The following C3orf18 variants were observed in gnomAD, a reference collection of about 807,000 sequenced individuals.
The protein encoded by C3orf18 is uncharacterized protein C3orf18.
In C3orf18, 12 loss-of-function variants were observed where a neutral mutation model predicts 14.1. The observed-to-expected ratio is 0.85, with a 90% CI of 0.55 to 1.38. C3orf18 has a LOEUF of 1.38. C3orf18 is among the 40% of genes most tolerant of loss of function. The pLI is 0.00. For missense variants in C3orf18, 196 were observed against 213.9 expected, an observed-to-expected ratio of 0.92 and a Z score of 0.52; for synonymous variants, 82 against 87.9, an observed-to-expected ratio of 0.93 and a Z score of 0.38.
At chr3:50,571,800 AG>A, upstream of C3orf18, 3 of 1,613,700 alleles carry the variant, frequency 1.9e-6, no homozygotes, top group Non-Finnish European at 2.5e-6. Context: ...TCGATTGCAG[AG>A]GTGAGCACCC....
chr3:50,559,867 C>T (rs1699859339), intron 5 of C3orf18, 130 bp from the exon 6 acceptor site: 1 of 548,162 alleles, frequency 1.8e-6, no homozygotes, highest in East Asian at 3.4e-5. Flanking sequence ...GCCTGGAATG[C>T]CCTCCCTGCA....
chr3:50,559,660 C>T lies in C3orf18; in HGVS notation c.486G>A (p.Ala162=), dbSNP rs772177576. 5.1e-6 allele frequency: 8 copies of T among 1,580,814 alleles called. No homozygotes were observed. The highest frequency in any genetic ancestry group is 6.9e-6 in the Non-Finnish European group (8 of 1,162,656). Residue 162 remains alanine, a synonymous_variant, in exon 6 of 6, where the codon GCG becomes GCA. Transcript: ENST00000357203. The stretch of plus-strand genomic sequence containing the variant: ...GTCCAGGCTTGTCCCAGGCCACTCA[C>T]GCATGGATGGCATTGGCCACATCGG... ...VFTDVANAIH[A] is the part of the protein sequence containing the mutation.
At chr3:50,571,182 C>A (rs1393382010), upstream of C3orf18, 1 of 1,613,658 alleles carries the variant, frequency 6.2e-7, no homozygotes, top group African/African-American at 1.3e-5. Flanking sequence ...GCTGGGCCTT[C>A]AGCTCATGGC....
upstream of C3orf18, chr3:50,571,302 C>T (rs769485504): frequency 6.2e-7 from 1 of 1,605,422 alleles, no homozygotes; most frequent in Admixed American, 1.7e-5. Context: ...CCAGTGAGTA[C>T]ATCGTGGCTC....
At chr3:50,562,028 T>A (rs1334983181) in intron 3 of C3orf18, 9 of 586,176 alleles carry the variant, frequency 1.5e-5, no homozygotes, top group Non-Finnish European at 2.1e-5. Flanking sequence ...GCCTCCTGAG[T>A]AGCTAGGATT....
In C3orf18 at chr3:50,558,739, G is replaced by T. The variant is rs1164389591; in HGVS notation, c.*918C>A. On this transcript the variant is annotated 3_prime_UTR_variant, in exon 6 of 6. Transcript: ENST00000357203. ...ACAATGCAGTGGAGAGAGGAACCGT[G>T]CTGTGCGTGCTTCCCTCTTCCCTGC... 2.3e-6 allele frequency: 3 copies of T among 1,289,724 alleles called. No homozygotes were observed. The East Asian group carries it at 1.7e-4, about 72-fold the overall frequency. The allele number at this position is 1,289,724 out of a possible 1,614,324, so 79.9% of individuals were successfully genotyped here.
intron 3 of C3orf18, chr3:50,562,397 G>A: frequency 2.2e-6 from 1 of 447,382 alleles, no homozygotes; most frequent in Non-Finnish European, 4.5e-6. Flanking sequence ...GGCTGAAGAA[G>A]AAAGGGAAAA....
Position 50,561,041 on chromosome 3 carries a change from A to G in C3orf18, c.284T>C (p.Leu95Pro). ...KKRLEKLRHQ[L>P]MPMYNFDPTE... ...GGGGTCGAAGTTGTACATGGGCATG[A>G]GCTGGTGGCGTAGCTTCTCCAGCCT... The change falls in exon 5 of 6, where the codon CTC becomes CCC. Residue 95 changes from leucine (L) to proline (P), a missense_variant. By Grantham distance (98) the Leu-to-Pro change is moderately conservative (BLOSUM62 -3). Coordinates refer to ENST00000357203, the MANE Select transcript of C3orf18 (RefSeq NM_016210.5). 6.2e-7 allele frequency: 1 copy of G among 1,614,110 alleles called. No homozygotes were observed. The highest frequency in any genetic ancestry group is 8.5e-7 in the Non-Finnish European group (1 of 1,179,986).
At position 50,558,590 on chromosome 3, in the gene C3orf18, T is replaced by A; in HGVS notation, c.*1067A>T. 1 of 870,262 alleles carries A rather than the reference T, an allele frequency of 1.1e-6. No homozygotes were observed. Among genetic ancestry groups the A allele is most frequent in the African/African-American group, 1.8e-5 (1 of 56,544 alleles). The allele number at this position is 870,262 out of a possible 1,614,324, so 53.9% of individuals were successfully genotyped here. A position where few individuals can be genotyped will look rare whatever the true frequency, so the allele number is the denominator to read the frequency against. On this transcript the variant is annotated 3_prime_UTR_variant, in exon 6 of 6. Transcript: ENST00000357203. ...TCCCTCACCCACTTTCAGGCAGTCA[T>A]AACTGCCCCCTCTAGCCTGCAGCCT...
chr3:50,560,988 C>A lies in C3orf18; in HGVS notation c.337G>T (p.Glu113Ter). 1 of 1,614,190 alleles carries A rather than the reference C, an allele frequency of 6.2e-7. No homozygotes were observed. The highest frequency in any genetic ancestry group is 8.5e-7 in the Non-Finnish European group (1 of 1,180,022). Residue 113 changes from glutamate (E) to a stop codon, truncating the protein, a stop_gained, in exon 5 of 6, where the codon GAG becomes TAG. Coordinates refer to ENST00000357203, the MANE Select transcript of C3orf18 (RefSeq NM_016210.5). LOFTEE classifies it high-confidence loss of function. The part of the protein sequence containing the change: ...PTEEQDELEQ[E>*]LLEHGRDAAS... Reference sequence around the variant, plus strand: ...GCGTCCCGCCCATGCTCCAGCAGCTCCTGCTCCAACTCATCTTGTTCCTCC... The same window carrying A: ...GCGTCCCGCCCATGCTCCAGCAGCTACTGCTCCAACTCATCTTGTTCCTCC...
chr3:50,565,433 G>T lies in C3orf18; in HGVS notation c.234+33C>A. On this transcript the variant is annotated intron_variant, in intron 3 of 5. Transcript: ENST00000357203. This position sits in a 1 kb window ranked among gnomAD's most constrained non-coding sequence, Gnocchi z 4.4. The stretch of plus-strand genomic sequence containing the variant: ...TAGGTTCTCTATAAATCTAAACACT[G>T]ATTATCCTCCCCCAGCCTACCCCAG... The T allele has an allele frequency of 6.7e-7, 1 of 1,486,634 alleles. No homozygotes were observed. The allele number at this position is 1,486,634 out of a possible 1,614,324, so 92.1% of individuals were successfully genotyped here.
Position 50,567,123 on chromosome 3 carries a change from C to A in C3orf18, c.-252+340G>T, listed in dbSNP as rs1218822273. Among the ~76,000 whole-genome samples, 6 of 152,306 alleles carry A rather than the reference C, an allele frequency of 3.9e-5. No homozygotes were observed. The East Asian group carries it at 1.2e-3, about 29-fold the overall frequency. Reference sequence around the variant, plus strand: ...GCCTTCTCCCTCCAGCTAGGCTGGGCACATCTGGGCACATAGGAAGTCCCG... The same window carrying A: ...GCCTTCTCCCTCCAGCTAGGCTGGGAACATCTGGGCACATAGGAAGTCCCG... On this transcript the variant is annotated intron_variant, in intron 1 of 5. Transcript: ENST00000357203.
At chr3:50,568,506 C>T (rs1700523433), upstream of C3orf18, among the ~76,000 whole-genome samples, 1 of 151,938 alleles carries the variant, frequency 6.6e-6, no homozygotes, top group Admixed American at 6.6e-5. Context: ...GGCGATGGAT[C>T]ACCTGAAGTC....
upstream of C3orf18, chr3:50,571,603 G>A (rs1403481573): frequency 3.8e-6 from 4 of 1,040,360 alleles, no homozygotes; most frequent in Non-Finnish European, 6.0e-6. Flanking sequence ...GATGATGAGA[G>A]GGTTGGGCCT....
At chr3:50,570,147 G>A (rs1039676955), upstream of C3orf18, 3 of 152,244 alleles carry the variant, frequency 2.0e-5, no homozygotes, top group African/African-American at 7.2e-5. Flanking sequence ...GCTTGCCTGG[G>A]ACAGTTTCTA....
In C3orf18 at chr3:50,565,574, G is replaced by C; in HGVS notation, c.126C>G (p.Thr42=). 6.2e-7 allele frequency: 1 copy of C among 1,614,030 alleles called. No individual in the cohort carries two copies. The highest frequency in any genetic ancestry group is 1.1e-5 in the South Asian group (1 of 91,056). The change falls in exon 3 of 6, where the codon ACC becomes ACG. Residue 42 remains threonine (T), a synonymous_variant. Transcript: ENST00000357203. The surrounding 1 kb of genome is among the most constrained non-coding windows in gnomAD (Gnocchi z 4.4). ...CAGGGATTCTGGTGTCATTAAAGGTGGTGGCCTCTGGGCTGAGGGTAGTGG... is the reference window on the plus strand; with the variant it reads ...CAGGGATTCTGGTGTCATTAAAGGTCGTGGCCTCTGGGCTGAGGGTAGTGG... ...SETTTLSPEA[T]TFNDTRIPDA... is the part of the protein sequence containing the mutation.
chr3:50,572,006 A>G (rs1374827010), upstream of C3orf18: 3 of 1,541,754 alleles, frequency 1.9e-6, no homozygotes, highest in East Asian at 7.1e-5. Context: ...AAGGCCCTGG[A>G]GACATGGTCT....
rs1430995183 is a variant in C3orf18 at position 50,559,647 on chromosome 3, C to T, written c.*10G>A. 3 of 1,566,286 alleles carry T rather than the reference C, an allele frequency of 1.9e-6. No individual in the cohort carries two copies. Among genetic ancestry groups the T allele is most frequent in the Non-Finnish European group, 2.6e-6 (3 of 1,154,368 alleles). On this transcript the variant is annotated 3_prime_UTR_variant, in exon 6 of 6. Coordinates refer to ENST00000357203, the MANE Select transcript of C3orf18 (RefSeq NM_016210.5). ...GTCTCTATCAGAAGTCCAGGCTTGTCCCAGGCCACTCACGCATGGATGGCA... is the reference window on the plus strand; with the variant it reads ...GTCTCTATCAGAAGTCCAGGCTTGTTCCAGGCCACTCACGCATGGATGGCA...
upstream of C3orf18, chr3:50,572,156 G>C: frequency 6.2e-7 from 1 of 1,613,974 alleles, no homozygotes; most frequent in Non-Finnish European, 8.5e-7. Flanking sequence ...GACTTCCAGG[G>C]GCTCAGCCTA....
Sources: allele counts gnomAD v4.1 joint callset (sites outside exome capture counted in the v4.1 genomes callset), GRCh38; gene constraint gnomAD v4.1.1; non-coding constraint Gnocchi (gnomAD v3.1); transcripts MANE v1.5; gene names NCBI Gene and HGNC (gene_info 2026-07-23, HGNC 2026-07-21).